CFAP65: variants seen among roughly 807,000 people sequenced by gnomAD.
CFAP65 encodes the protein cilia and flagella associated protein 65.
Under a neutral mutation model 208.0 loss-of-function variants are expected in CFAP65, and 155 were observed. The observed-to-expected ratio is 0.75, with a 90% CI of 0.65 to 0.85. The LOEUF is 0.85. Ranked by LOEUF, CFAP65 falls within the 40% of genes least tolerant of loss-of-function variation. The pLI, the probability that CFAP65 is intolerant of heterozygous loss-of-function variation, is 0.00. For missense variants in CFAP65, 2,294 were observed against 2,451.3 expected (o/e 0.94, Z 1.36); for synonymous variants, 970 against 986.3 (o/e 0.98, Z 0.31).
At position 219,019,549 on chromosome 2, in the gene CFAP65, G is replaced by A. The variant is rs750313270; in HGVS notation, c.3430C>T (p.Pro1144Ser). 1 of 1,613,272 alleles carries A rather than the reference G, an allele frequency of 6.2e-7. No individual in the cohort carries two copies. Among genetic ancestry groups the A allele is most frequent in the Non-Finnish European group, 8.5e-7 (1 of 1,180,016 alleles). Residue 1144 changes from proline (P) to serine (S), a missense_variant, in exon 20 of 35, where the codon CCC becomes TCC. Physicochemically the swap from Pro to Ser is moderately conservative, Grantham distance 74. Around this residue, in one of 2 missense-constraint regions of CFAP65, gnomAD observed 1,427 missense variants for 1,438.7 expected, o/e 0.99. Transcript: ENST00000341552. ...DLLNSYLERD[P>S]TPCELTYKVP... ...TTGTAGGTGAGCTCACAGGGGGTGG[G>A]GTCACGCTCCAAGTAACTGTTAAGC...
At chr2:219,014,165 A>C in intron 21 of CFAP65, 121 bp from the exon 22 acceptor site, 1 of 837,688 alleles carries the variant, frequency 1.2e-6, no homozygotes. Flanking sequence ...TCATGCACCC[A>C]TTTGGCAAAC....
At chr2:219,009,537 G>A in intron 27 of CFAP65, 77 bp from the exon 28 acceptor site, 1 of 951,948 alleles carries the variant, frequency 1.1e-6, no homozygotes, top group Admixed American at 1.8e-5. Flanking sequence ...AGGATGGGAT[G>A]AGATGGGACA....
Position 219,014,056 on chromosome 2 carries a change from G to T in CFAP65, c.3603-12C>A. ...GAAGGAGGAAGGCCCTGGGAGAGGG[G>T]TGCAAAGCCATACAAAGAAACTGGT... On this transcript the variant is annotated splice_polypyrimidine_tract_variant and intron_variant, in intron 21 of 34. Transcript: ENST00000341552. 1 of 1,593,010 alleles carries T rather than the reference G, an allele frequency of 6.3e-7. No individual in the cohort carries two copies. The highest frequency in any genetic ancestry group is 8.6e-7 in the Non-Finnish European group (1 of 1,167,988).
At position 219,021,205 on chromosome 2, in the gene CFAP65, T is replaced by C. The variant is rs748332157; in HGVS notation, c.3206A>G (p.Lys1069Arg). ...GGTCCAGGAGTACTGGGACCGCTGC[T>C]TGGGACAGGCAGTCAGGCAGATGGT... is the stretch of plus-strand genomic sequence containing the variant. ...QDTICLTACPKQRSQYSWTIT... is the reference protein window; with the variant it reads ...QDTICLTACPRQRSQYSWTIT... Residue 1069 changes from lysine to arginine, a missense_variant, in exon 19 of 35, where the codon AAG (lysine) becomes AGG (arginine). Transcript: ENST00000341552. 3 of 1,607,732 alleles carry C rather than the reference T, an allele frequency of 1.9e-6. No individual in the cohort carries two copies. The highest frequency in any genetic ancestry group is 2.2e-5 in the South Asian group (2 of 89,574).
In CFAP65 at chr2:219,030,603, AG is replaced by A. The variant is rs947003599; in HGVS notation, c.1161+85del. ...CTTGGGGCCAAAGGCATGGAGAGAA[AG>A]GGGGGGCATTCTGCAAGGCGGTGAT... On this transcript the variant is annotated intron_variant, in intron 9 of 34. Coordinates refer to ENST00000341552, the MANE Select transcript of CFAP65 (RefSeq NM_194302.4). 16 of 1,526,304 alleles carry A rather than the reference AG, an allele frequency of 1.0e-5. No individual in the cohort carries two copies. The African/African-American group carries it at 1.2e-4, about 12-fold the overall frequency. 94.5% of individuals were successfully genotyped at this position (1,526,304 alleles called of 1,614,324 possible).
Position 219,031,314 on chromosome 2 carries a change from G to C in CFAP65, c.816-9C>G, listed in dbSNP as rs377646785. 42 of 1,612,726 alleles carry C rather than the reference G, an allele frequency of 2.6e-5. No individual in the cohort carries two copies. Among genetic ancestry groups the C allele is most frequent in the Non-Finnish European group, 3.3e-5 (39 of 1,179,086 alleles). On this transcript the variant is annotated splice_polypyrimidine_tract_variant and intron_variant, in intron 7 of 34. Coordinates refer to ENST00000341552, the MANE Select transcript of CFAP65 (RefSeq NM_194302.4). This position sits in a 1 kb window ranked among gnomAD's most constrained non-coding sequence, Gnocchi z 5.2. ...AGAAGGTGGGCAGGTCCCTGGGGGTGGGGGGCAGGTCAGGGCACTGGGCTC... is the reference window on the plus strand; with the variant it reads ...AGAAGGTGGGCAGGTCCCTGGGGGTCGGGGGCAGGTCAGGGCACTGGGCTC...
intron 31 of CFAP65, 66 bp downstream of exon 31, chr2:219,005,955 C>T: frequency 6.6e-7 from 1 of 1,525,808 alleles, no homozygotes; most frequent in Admixed American, 1.9e-5. Flanking sequence ...TGGGCAGCCC[C>T]TGCTCTGGAG....
chr2:219,008,334 T>G (rs1486034748), intron 29 of CFAP65, among the ~76,000 whole-genome samples: 4 of 151,892 alleles, frequency 2.6e-5, no homozygotes, highest in East Asian at 1.9e-4. Flanking sequence ...CTGAAGGAAC[T>G]GAGATGTTAC....
chr2:219,003,913 T>A lies in CFAP65; in HGVS notation c.5555+39A>T. On this transcript the variant is annotated intron_variant, in intron 33 of 34. Transcript: ENST00000341552. The surrounding 1 kb of genome is among the most constrained non-coding windows in gnomAD (Gnocchi z 4.4). Reference sequence around the variant, plus strand: ...CTGCCTCCTAGGAACCTTCTGCACTTCGCCTCCCTCCCGTCCTCACTGGGG... The same window carrying A: ...CTGCCTCCTAGGAACCTTCTGCACTACGCCTCCCTCCCGTCCTCACTGGGG... 1 of 1,578,418 alleles carries A rather than the reference T, an allele frequency of 6.3e-7. No individual in the cohort carries two copies. The highest frequency in any genetic ancestry group is 1.2e-5 in the South Asian group (1 of 83,816).
intron 29 of CFAP65, among the ~76,000 whole-genome samples, chr2:219,006,836 A>C (rs1467560946): frequency 2.5e-4 from 38 of 150,264 alleles, no homozygotes; most frequent in African/African-American, 7.8e-4. Flanking sequence ...TCTGTCTCAA[A>C]AAAAAAAAAA....
chr2:219,035,067 TCC>T, intron 5 of CFAP65: 1 of 362,268 alleles, frequency 2.8e-6, no homozygotes, highest in Middle Eastern at 8.1e-4. Context: ...GAAGGTTCCA[TCC>T]CGCAAGGTCA....
In CFAP65 at chr2:219,003,377, C is replaced by CCTCATCCACTACACTATGG; in HGVS notation, c.5556-106_5556-105insCCATAGTGTAGTGGATGAG. ...GTGCCGCGAGCTCTACGGAGATTCC[C>CCTCATCCACTACACTATGG]ATTCGACTCCCCTCATCCACTACAC... On this transcript the variant is annotated intron_variant, in intron 33 of 34. Transcript: ENST00000341552. This position sits in a 1 kb window ranked among gnomAD's most constrained non-coding sequence, Gnocchi z 4.4. 1 of 1,341,760 alleles carries CCTCATCCACTACACTATGG rather than the reference C, an allele frequency of 7.5e-7. No individual in the cohort carries two copies. The highest frequency in any genetic ancestry group is 9.9e-7 in the Non-Finnish European group (1 of 1,013,864). The allele number at this position is 1,341,760 out of a possible 1,614,324, so 83.1% of individuals were successfully genotyped here.
chr2:219,035,784 A>T, intron 4 of CFAP65, 120 bp from the exon 5 acceptor site: 1 of 1,463,196 alleles, frequency 6.8e-7, no homozygotes, highest in Non-Finnish European at 9.0e-7. Flanking sequence ...AAAGACAAGA[A>T]GAAAAACGAT....
In CFAP65 at chr2:219,019,044, G is replaced by T; in HGVS notation, c.3602+7C>A. On this transcript the variant is annotated splice_region_variant and intron_variant, in intron 21 of 34. Transcript: ENST00000341552. ...CAGGCCCCCCAGTGGCCCCCTTCAAGCCATACCAGTCCAGGGACACCACTC... is the reference window on the plus strand; with the variant it reads ...CAGGCCCCCCAGTGGCCCCCTTCAATCCATACCAGTCCAGGGACACCACTC... The T allele has an allele frequency of 6.2e-7, 1 of 1,614,206 alleles. No individual in the cohort carries two copies. The highest frequency in any genetic ancestry group is 8.5e-7 in the Non-Finnish European group (1 of 1,180,034).
chr2:219,013,165 GC>G, intron 24 of CFAP65, 93 bp downstream of exon 24: 1 of 864,626 alleles, frequency 1.2e-6, no homozygotes, highest in Non-Finnish European at 1.9e-6. Flanking sequence ...CTTCCAGAGG[GC>G]CATGTCTTTG....
At chr2:219,010,222 T>C in intron 26 of CFAP65, 137 bp from the exon 27 acceptor site, 1 of 808,644 alleles carries the variant, frequency 1.2e-6, no homozygotes, top group Non-Finnish European at 1.9e-6. Context: ...CCTGGCCCTT[T>C]TGACACCTTT....
At chr2:219,010,462 G>T in intron 26 of CFAP65, 84 bp downstream of exon 26, 1 of 1,429,818 alleles carries the variant, frequency 7.0e-7, no homozygotes, top group Non-Finnish European at 9.5e-7. Context: ...GTCCCTCCCA[G>T]CCTCCCCATC....
At chr2:219,012,890 C>T (rs1946579676) in intron 24 of CFAP65, among the ~76,000 whole-genome samples, 1 of 152,110 alleles carries the variant, frequency 6.6e-6, no homozygotes, top group African/African-American at 2.4e-5. Flanking sequence ...GTATAATTAT[C>T]AATTTGCAGT....
chr2:219,035,378 C>A (rs755166932), intron 5 of CFAP65, 102 bp downstream of exon 5: 1 of 1,602,798 alleles, frequency 6.2e-7, no homozygotes, highest in Admixed American at 1.7e-5. Context: ...TTTTATATGG[C>A]ATGTTAAAGG....
Sources: allele counts gnomAD v4.1 joint callset (sites outside exome capture counted in the v4.1 genomes callset), GRCh38; gene constraint gnomAD v4.1.1; regional missense constraint gnomAD v4.1.1; non-coding constraint Gnocchi (gnomAD v3.1); transcripts MANE v1.5; gene names NCBI Gene and HGNC (gene_info 2026-07-23, HGNC 2026-07-21).